NFU1: variants seen among roughly 807,000 people sequenced by gnomAD.
NFU1 encodes NFU1 iron-sulfur cluster scaffold, also known as NFU1 iron-sulfur cluster scaffold homolog, mitochondrial.
A neutral mutation model predicts 32.2 loss-of-function variants in NFU1; 30 were observed. That is an observed-to-expected ratio of 0.93 (90% CI 0.70 to 1.26). The LOEUF (loss-of-function observed/expected upper bound fraction) is 1.26. NFU1 is among the 50% of genes most tolerant of loss of function. The pLI, the probability that NFU1 is intolerant of heterozygous loss-of-function variation, is 0.00. For missense variants in NFU1, 306 were observed against 306.6 expected, an observed-to-expected ratio of 1.00 and a Z score of 0.02; for synonymous variants, 112 against 104.6, an observed-to-expected ratio of 1.07 and a Z score of -0.43.
intron 6 of NFU1, among the ~76,000 whole-genome samples, chr2:69,404,485 T>C (rs1672628462): frequency 6.6e-6 from 1 of 150,612 alleles, no homozygotes; most frequent in African/African-American, 2.4e-5. Context: ...CAAGACTCTG[T>C]CTCAAAAAAA....
intron 6 of NFU1, among the ~76,000 whole-genome samples, chr2:69,402,644 C>A (rs1040737303): frequency 6.6e-6 from 1 of 151,844 alleles, no homozygotes; most frequent in African/African-American, 2.4e-5. Flanking sequence ...TGCAATGGCT[C>A]GATCTCGGCT....
chr2:69,401,081 G>A (rs1323357237), intron 6 of NFU1, among the ~76,000 whole-genome samples: 2 of 152,182 alleles, frequency 1.3e-5, no homozygotes, highest in African/African-American at 2.4e-5. Context: ...ACTGTCACAT[G>A]CTGGCTTCAT....
upstream of NFU1, among the ~76,000 whole-genome samples, chr2:69,438,914 AC>A (rs1256670292): frequency 4.3e-5 from 4 of 92,240 alleles, no homozygotes; most frequent in East Asian, 1.8e-3. Context: ...CCACCCCCCC[AC>A]ACACACCCAT....
At chr2:69,414,808 T>C (rs1673000249) in intron 5 of NFU1, among the ~76,000 whole-genome samples, 1 of 152,052 alleles carries the variant, frequency 6.6e-6, no homozygotes, top group Non-Finnish European at 1.5e-5. Context: ...CTTTATGCTC[T>C]ATATTCTGAC....
At chr2:69,419,920 T>C (rs1197381861) in intron 3 of NFU1, among the ~76,000 whole-genome samples, 1 of 152,194 alleles carries the variant, frequency 6.6e-6, no homozygotes, top group African/African-American at 2.4e-5. Flanking sequence ...AATAGACTGC[T>C]ATATCTATAC....
intron 2 of NFU1, among the ~76,000 whole-genome samples, 158 bp from the exon 3 acceptor site, chr2:69,423,875 A>G (rs1227866426): frequency 6.6e-6 from 1 of 152,134 alleles, no homozygotes; most frequent in Non-Finnish European, 1.5e-5. Context: ...AGGATAAGAA[A>G]GAAATATATC....
At chr2:69,401,789 A>T (rs1672528952) in intron 6 of NFU1, among the ~76,000 whole-genome samples, 1 of 152,182 alleles carries the variant, frequency 6.6e-6, no homozygotes, top group Non-Finnish European at 1.5e-5. Context: ...AATAGTTTTA[A>T]CTATTCTACT....
intron 5 of NFU1, among the ~76,000 whole-genome samples, chr2:69,409,898 G>A (rs1672820686): frequency 6.6e-6 from 1 of 152,140 alleles, no homozygotes; most frequent in African/African-American, 2.4e-5. Flanking sequence ...GATATTTGGA[G>A]GGGACAAGTG....
rs1443557944 is a variant in NFU1, at chr2:69,423,384, T to C, written c.302+198A>G. Among the ~76,000 whole-genome samples the C allele has an allele frequency of 2.0e-5, 3 of 151,304 alleles. No individual in the cohort carries two copies. The East Asian group carries it at 5.8e-4, about 29-fold the overall frequency. On this transcript the variant is annotated intron_variant, in intron 3 of 7. Coordinates refer to ENST00000410022, the MANE Select transcript of NFU1 (RefSeq NM_001002755.4). Reference sequence around the variant, plus strand: ...ATCCTCCCACTTCAGCCTTCCAAAGTGTTAGGATTACAGGTGTGAGGCACT... The same window carrying C: ...ATCCTCCCACTTCAGCCTTCCAAAGCGTTAGGATTACAGGTGTGAGGCACT...
intron 3 of NFU1, among the ~76,000 whole-genome samples, chr2:69,423,150 G>GT (rs1415956655): frequency 1.0e-5 from 1 of 98,646 alleles, no homozygotes; most frequent in African/African-American, 4.2e-5. Flanking sequence ...CTAAATTTGT[G>GT]TGTGTGTGTG....
intron 5 of NFU1, chr2:69,411,281 C>G (rs1180629109): frequency 6.6e-6 from 1 of 152,078 alleles, no homozygotes; most frequent in South Asian, 2.1e-4. Flanking sequence ...CTTTGTGATA[C>G]TGGAGAAAGG....
upstream of NFU1, chr2:69,437,695 T>C (rs1336371864): frequency 2.8e-5 from 16 of 572,796 alleles, no homozygotes; most frequent in Non-Finnish European, 9.4e-6. Context: ...TACTTTGTTT[T>C]CCCTGTTGGC....
At chr2:69,419,080 G>A (rs1471092665) in intron 4 of NFU1, among the ~76,000 whole-genome samples, 4 of 152,016 alleles carry the variant, frequency 2.6e-5, no homozygotes, top group African/African-American at 9.7e-5. Context: ...TTTGGAGGCC[G>A]AGGCGGGTGG....
chr2:69,419,056 T>C (rs913011757), intron 4 of NFU1, among the ~76,000 whole-genome samples: 4 of 151,266 alleles, frequency 2.6e-5, no homozygotes, highest in African/African-American at 9.9e-5. Context: ...GGCTCACGCC[T>C]GTAATCCCAG....
chr2:69,419,185 G>A (rs1673156621), intron 4 of NFU1, among the ~76,000 whole-genome samples: 1 of 142,156 alleles, frequency 7.0e-6, no homozygotes, highest in South Asian at 2.3e-4. Flanking sequence ...ATGGTGGCAG[G>A]CGCCTGCAAT....
intron 4 of NFU1, among the ~76,000 whole-genome samples, chr2:69,418,113 T>TGG (rs58837296): frequency 6.6e-6 from 1 of 151,930 alleles, no homozygotes; most frequent in Non-Finnish European, 1.5e-5. Flanking sequence ...AACTGAAGAA[T>TGG]GGGGGGCTGG....
chr2:69,437,629 G>C (rs551088614), upstream of NFU1: 3 of 668,132 alleles, frequency 4.5e-6, no homozygotes, highest in Non-Finnish European at 8.0e-6. Context: ...AACCTTTCCC[G>C]TTTGCGCCAA....
chr2:69,415,998 AAG>A (rs752687348), intron 4 of NFU1, among the ~76,000 whole-genome samples: 4 of 151,982 alleles, frequency 2.6e-5, no homozygotes, highest in Non-Finnish European at 4.4e-5. Flanking sequence ...GAAAGGAAGA[AAG>A]AAAAAAGAGA....
upstream of NFU1, among the ~76,000 whole-genome samples, chr2:69,438,784 G>C (rs1211507096): frequency 6.6e-6 from 1 of 152,016 alleles, no homozygotes; most frequent in Non-Finnish European, 1.5e-5. Context: ...CGCACACTGA[G>C]TGGGCTGTGC....
Sources: gnomAD v4.1 joint callset for allele counts (sites outside exome capture counted in the v4.1 genomes callset) on GRCh38, gnomAD v4.1.1 for gene constraint, MANE v1.5 for transcripts, NCBI Gene and HGNC (gene_info 2026-07-23, HGNC 2026-07-21) for gene names.